Variants in DCC observed in about 807,000 individuals in gnomAD.
DCC encodes the protein DCC netrin 1 receptor.
DCC carries 58 observed loss-of-function variants against 172.5 expected under a neutral mutation model. That is an observed-to-expected ratio of 0.34 (90% CI 0.27 to 0.42). DCC has a LOEUF of 0.42. Among genes scored for constraint, DCC ranks in the 10% least tolerant of loss-of-function variants. DCC has a pLI of 1.00. For missense variants in DCC, 1,740 were observed against 1,791.0 expected, an observed-to-expected ratio of 0.97 and a Z score of 0.51; for synonymous variants, 709 against 644.5, an observed-to-expected ratio of 1.10 and a Z score of -1.52.
intron 12 of DCC, among the ~76,000 whole-genome samples, chr18:53,240,125 A>G (rs2056271385): frequency 6.6e-6 from 1 of 151,858 alleles, no homozygotes; most frequent in Non-Finnish European, 1.5e-5. Flanking sequence ...CCAGAAGAAT[A>G]AATATGAAAG....
intron 12 of DCC, 70 bp from the exon 13 acceptor site, chr18:53,305,508 T>A (rs2057189374): frequency 2.3e-6 from 3 of 1,312,276 alleles, no homozygotes; most frequent in Middle Eastern, 4.3e-4. Flanking sequence ...TACGTTTGGG[T>A]TACTTCTTTG....
intron 2 of DCC, among the ~76,000 whole-genome samples, chr18:52,839,820 A>T (rs1454604568): frequency 6.6e-6 from 1 of 152,222 alleles, no homozygotes; most frequent in African/African-American, 2.4e-5. Context: ...GGAAAATAAA[A>T]TAGGTAGACA....
At chr18:52,660,104 A>T (rs1219741018) in intron 1 of DCC, among the ~76,000 whole-genome samples, 1 of 152,128 alleles carries the variant, frequency 6.6e-6, no homozygotes. Flanking sequence ...TTCTCACTTC[A>T]ATGTTCTTTC....
At chr18:53,456,348 C>G (rs1405509130) in intron 23 of DCC, among the ~76,000 whole-genome samples, 1 of 152,090 alleles carries the variant, frequency 6.6e-6, no homozygotes, top group Non-Finnish European at 1.5e-5. Flanking sequence ...AACAGAGAGC[C>G]TGGGAGGGTT....
intron 2 of DCC, among the ~76,000 whole-genome samples, chr18:52,789,152 C>G (rs182587768): frequency 6.6e-6 from 1 of 152,296 alleles, no homozygotes; most frequent in African/African-American, 2.4e-5. Flanking sequence ...TTTGGTACCT[C>G]TAAAACTCAA....
rs537140256 is a variant in DCC at position 53,510,650 on chromosome 18, T to C, written c.4111+11140T>C. Among the ~76,000 whole-genome samples, 10 of 152,338 alleles carry C rather than the reference T, an allele frequency of 6.6e-5. No individual in the cohort carries two copies. In the South Asian group the frequency reaches 2.1e-3, roughly 32 times the overall value. On this transcript the variant is annotated intron_variant, in intron 27 of 28. Coordinates refer to ENST00000442544, the MANE Select transcript of DCC (RefSeq NM_005215.4). ...TCTAAAGCCAAGTACTATGTTTGTTTGTTATTCTTTCCCAAGACTTCAGAA... is the reference window on the plus strand; with the variant it reads ...TCTAAAGCCAAGTACTATGTTTGTTCGTTATTCTTTCCCAAGACTTCAGAA...
At chr18:52,859,440 A>T (rs1443862781) in intron 2 of DCC, among the ~76,000 whole-genome samples, 1 of 152,204 alleles carries the variant, frequency 6.6e-6, no homozygotes, top group Non-Finnish European at 1.5e-5. Flanking sequence ...TAGGATTCAG[A>T]AGCTCGTATA....
intron 1 of DCC, among the ~76,000 whole-genome samples, chr18:52,610,152 A>T (rs111690287): frequency 0.36 from 5,675 of 15,928 alleles, 519 homozygotes; most frequent in South Asian, 0.52. Flanking sequence ...CATCTCTCAT[A>T]AAAAAAAAAA....
intron 9 of DCC, among the ~76,000 whole-genome samples, chr18:53,203,699 G>A (rs746394903): frequency 6.6e-6 from 1 of 152,092 alleles, no homozygotes; most frequent in African/African-American, 2.4e-5. Flanking sequence ...TTTTGCTATG[G>A]AAGTTCAAAC....
chr18:53,451,751 G>C (rs2088949), intron 23 of DCC, among the ~76,000 whole-genome samples: 72,782 of 149,558 alleles, frequency 0.49, 18,332 homozygotes, highest in Non-Finnish European at 0.58. Flanking sequence ...CTCTCTCTCT[G>C]TCTGTCTTTC....
At chr18:53,002,407 C>A (rs367732041) in intron 5 of DCC, among the ~76,000 whole-genome samples, 1 of 152,048 alleles carries the variant, frequency 6.6e-6, no homozygotes, top group Non-Finnish European at 1.5e-5. Flanking sequence ...TATAAATGCC[C>A]CCTTTAGATA....
intron 18 of DCC, among the ~76,000 whole-genome samples, chr18:53,401,140 A>G (rs1441014602): frequency 1.3e-5 from 2 of 152,148 alleles, no homozygotes; most frequent in East Asian, 3.8e-4. Context: ...ATGAATCTGC[A>G]TTTCTTGCAA....
chr18:52,870,368 G>T (rs757803550), intron 2 of DCC, among the ~76,000 whole-genome samples: 1 of 152,176 alleles, frequency 6.6e-6, no homozygotes, highest in Non-Finnish European at 1.5e-5. Flanking sequence ...ACCACCACTC[G>T]CACCTTCCCA....
At chr18:52,921,928 A>G (rs1473158015) in intron 3 of DCC, among the ~76,000 whole-genome samples, 1 of 151,978 alleles carries the variant, frequency 6.6e-6, no homozygotes, top group African/African-American at 2.4e-5. Context: ...AAAGTAAAAT[A>G]TTCAAATGCA....
chr18:52,802,838 T>G (rs2038018648), intron 2 of DCC, among the ~76,000 whole-genome samples: 1 of 151,468 alleles, frequency 6.6e-6, no homozygotes, highest in African/African-American at 2.4e-5. Context: ...AGCCTATTGT[T>G]GACCAGAAAC....
intron 2 of DCC, among the ~76,000 whole-genome samples, chr18:52,886,267 G>A (rs2039567812): frequency 1.3e-5 from 2 of 152,152 alleles, no homozygotes; most frequent in East Asian, 1.9e-4. Context: ...AGTGCCTTTT[G>A]AGTTTACTTA....
At chr18:52,854,379 G>A (rs1023366957) in intron 2 of DCC, among the ~76,000 whole-genome samples, 1 of 152,094 alleles carries the variant, frequency 6.6e-6, no homozygotes, top group African/African-American at 2.4e-5. Flanking sequence ...GACGAGATGG[G>A]GAAGATGGAG....
chr18:52,532,410 C>T (rs779030327), intron 1 of DCC, among the ~76,000 whole-genome samples: 4 of 152,080 alleles, frequency 2.6e-5, no homozygotes, highest in African/African-American at 9.7e-5. Context: ...CTCAAGAACT[C>T]GATCCATTGT....
chr18:53,278,804 G>A (rs1250704865), intron 12 of DCC, among the ~76,000 whole-genome samples: 1 of 152,104 alleles, frequency 6.6e-6, no homozygotes, highest in Non-Finnish European at 1.5e-5. Flanking sequence ...CACAAAGTTG[G>A]TGTTGTTACT....
Sources: allele counts gnomAD v4.1 joint callset (sites outside exome capture counted in the v4.1 genomes callset), GRCh38; gene constraint gnomAD v4.1.1; transcripts MANE v1.5; gene names NCBI Gene and HGNC (gene_info 2026-07-23, HGNC 2026-07-21).